The following COLEC11 variants were observed in gnomAD, a reference collection of about 807,000 sequenced individuals.
COLEC11 encodes collectin subfamily member 11.
COLEC11 carries 20 observed loss-of-function variants against 27.3 expected under a neutral mutation model. The observed-to-expected ratio is 0.73, with a 90% CI of 0.51 to 1.06. The LOEUF (loss-of-function observed/expected upper bound fraction) is 1.06. Among genes scored for constraint, COLEC11 ranks in the 50% least tolerant of loss-of-function variants. COLEC11 has a pLI of 0.00. For synonymous variants in COLEC11, 163 were observed against 154.7 expected, an observed-to-expected ratio of 1.05 and a Z score of -0.40; for missense variants, 310 against 383.0, an observed-to-expected ratio of 0.81 and a Z score of 1.59.
intron 2 of COLEC11, among the ~76,000 whole-genome samples, chr2:3,612,049 G>A (rs532111812): frequency 8.3e-5 from 12 of 144,390 alleles, no homozygotes; most frequent in African/African-American, 3.3e-4. Flanking sequence ...TCGGTCTCTT[G>A]CCTCGGCACC....
intron 2 of COLEC11, chr2:3,605,056 C>T (rs1276153076): frequency 1.3e-5 from 6 of 470,772 alleles, no homozygotes; most frequent in East Asian, 7.0e-5. Flanking sequence ...CCTGAGGCTG[C>T]GGTATCTGAA....
chr2:3,597,449 G>T (rs549474455), intron 1 of COLEC11, among the ~76,000 whole-genome samples: 1 of 151,646 alleles, frequency 6.6e-6, no homozygotes, highest in Non-Finnish European at 1.5e-5. Context: ...CAGCAGATGA[G>T]TGTGAGTGAA....
Position 3,602,675 on chromosome 2 carries a change from C to A in COLEC11, c.-26-1640C>A, listed in dbSNP as rs1324051311. On this transcript the variant is annotated intron_variant, in intron 1 of 6. Coordinates refer to ENST00000349077, the MANE Select transcript of COLEC11 (RefSeq NM_024027.5). This position sits in a 1 kb window ranked among gnomAD's most constrained non-coding sequence, Gnocchi z 6.2. Reference sequence around the variant, plus strand: ...GTAAAGCCGCTCGCTGATCCAGACCCTCTGTCTCATACAGAGCAACCCCCA... The same window carrying A: ...GTAAAGCCGCTCGCTGATCCAGACCATCTGTCTCATACAGAGCAACCCCCA... 6.6e-6 allele frequency among the ~76,000 whole-genome samples: 1 copy of A among 152,206 alleles called. No homozygotes were observed. Among genetic ancestry groups the A allele is most frequent in the Non-Finnish European group, 1.5e-5 (1 of 68,046 alleles).
intron 3 of COLEC11, among the ~76,000 whole-genome samples, chr2:3,615,945 G>A (rs183408947): frequency 0.083 from 12,424 of 149,694 alleles, 928 homozygotes; most frequent in African/African-American, 0.19. Context: ...GGGTGGAGAT[G>A]CTCCTCACTT....
Position 3,607,750 on chromosome 2 carries a change from A to G in COLEC11, c.130+3280A>G, listed in dbSNP as rs544789165. Reference sequence around the variant, plus strand: ...AGGTGTGAGCCAACATACCTGGCCTATCAAATTAATTTTAAAATCATTTAC... The same window carrying G: ...AGGTGTGAGCCAACATACCTGGCCTGTCAAATTAATTTTAAAATCATTTAC... On this transcript the variant is annotated intron_variant, in intron 2 of 6. Coordinates refer to ENST00000349077, the MANE Select transcript of COLEC11 (RefSeq NM_024027.5). 3.9e-3 allele frequency among the ~76,000 whole-genome samples: 597 copies of G among 152,298 alleles called. 4 individuals are homozygous for G. Among genetic ancestry groups the G allele is most frequent in the African/African-American group, 0.013 (545 of 41,570 alleles).
At chr2:3,613,983 T>TC (rs1172300263) in intron 3 of COLEC11, among the ~76,000 whole-genome samples, 9 of 149,870 alleles carry the variant, frequency 6.0e-5, no homozygotes, top group South Asian at 4.2e-4. Context: ...TTTCTTTCTT[T>TC]TTTTTTTTTT....
In COLEC11 at chr2:3,644,578, A is replaced by G. The variant is rs1174409910; in HGVS notation, c.*460A>G. 8 of 385,688 alleles carry G rather than the reference A, an allele frequency of 2.1e-5. No homozygotes were observed. The highest frequency in any genetic ancestry group is 4.1e-5 in the Non-Finnish European group (8 of 196,894). The allele number at this position is 385,688 out of a possible 1,614,324, so 23.9% of individuals were successfully genotyped here. ...GGTTCCTTCACACTATTATCCATGT[A>G]AAAACAATTTTGCTTTGCTTCAAAC... is the stretch of plus-strand genomic sequence containing the variant. On this transcript the variant is annotated 3_prime_UTR_variant, in exon 7 of 7. Coordinates refer to ENST00000349077, the MANE Select transcript of COLEC11 (RefSeq NM_024027.5).
At chr2:3,633,127 C>T (rs531066147) in intron 3 of COLEC11, among the ~76,000 whole-genome samples, 6 of 152,306 alleles carry the variant, frequency 3.9e-5, no homozygotes, top group African/African-American at 7.2e-5. Flanking sequence ...CCCACTTTCC[C>T]GTCTTCCCAC....
intron 3 of COLEC11, among the ~76,000 whole-genome samples, chr2:3,621,788 T>A (rs182289863): frequency 2.0e-4 from 30 of 152,340 alleles, no homozygotes; most frequent in Non-Finnish European, 4.4e-4. Flanking sequence ...AATAACAACT[T>A]AACTTTGATC....
intron 1 of COLEC11, among the ~76,000 whole-genome samples, chr2:3,597,271 G>A (rs369056970): frequency 6.6e-6 from 1 of 151,932 alleles, no homozygotes; most frequent in African/African-American, 2.4e-5. Flanking sequence ...GGGCTGCTCC[G>A]GGATCAGCAG....
At chr2:3,641,710 G>A (rs892514209) in intron 5 of COLEC11, among the ~76,000 whole-genome samples, 2 of 152,200 alleles carry the variant, frequency 1.3e-5, no homozygotes, top group African/African-American at 4.8e-5. Context: ...ATGTGCAAGT[G>A]TGAGTGGAGG....
Position 3,644,129 on chromosome 2 carries a change from G to A in COLEC11, c.*11G>A, listed in dbSNP as rs1666100712. 1 of 1,606,774 alleles carries A rather than the reference G, an allele frequency of 6.2e-7. No individual in the cohort carries two copies. The highest frequency in any genetic ancestry group is 1.1e-5 in the South Asian group (1 of 91,086). On this transcript the variant is annotated 3_prime_UTR_variant, in exon 7 of 7. Transcript: ENST00000349077. ...AAGGAGAACATGTGAGCCTCAGGCT[G>A]GGGCTGCCCATTGGGGGCCCCACAT...
At chr2:3,631,638 C>T (rs1245778486) in intron 3 of COLEC11, among the ~76,000 whole-genome samples, 2 of 151,906 alleles carry the variant, frequency 1.3e-5, no homozygotes, top group African/African-American at 2.4e-5. Flanking sequence ...CCCCACCAGC[C>T]GGGTATGCTT....
rs13417245 is a variant in COLEC11 at position 3,640,982 on chromosome 2, T to C, written c.328+651T>C. Among the ~76,000 whole-genome samples the C allele has an allele frequency of 6.1e-4, 74 of 122,100 alleles. 3 individuals are homozygous for C. The highest frequency in any genetic ancestry group is 2.6e-3 in the African/African-American group (72 of 27,210). 80.1% of individuals were successfully genotyped at this position (122,100 alleles called of 152,430 possible). On this transcript the variant is annotated intron_variant, in intron 5 of 6. Coordinates refer to ENST00000349077, the MANE Select transcript of COLEC11 (RefSeq NM_024027.5). Reference sequence around the variant, plus strand: ...CCCACCCACCATGTAGACCCCACGGTGGACACCCACCCACCATGTAGACCC... The same window carrying C: ...CCCACCCACCATGTAGACCCCACGGCGGACACCCACCCACCATGTAGACCC...
intron 1 of COLEC11, chr2:3,603,600 A>C: frequency 6.5e-7 from 1 of 1,548,888 alleles, no homozygotes; most frequent in South Asian, 1.2e-5. Flanking sequence ...TACAGGTGTG[A>C]GCCACTGCGC....
At chr2:3,606,105 G>C in intron 2 of COLEC11, 1 of 1,550,620 alleles carries the variant, frequency 6.4e-7, no homozygotes, top group Non-Finnish European at 8.7e-7. Context: ...GCGTGTGTGG[G>C]TTTGTGAGTG....
intron 3 of COLEC11, among the ~76,000 whole-genome samples, chr2:3,631,750 GC>G: frequency 6.6e-6 from 1 of 151,888 alleles, no homozygotes; most frequent in East Asian, 2.0e-4. Context: ...CTCGGAGGGG[GC>G]TCTGCTCGGA....
chr2:3,606,688 G>A (rs1279564116), intron 2 of COLEC11, among the ~76,000 whole-genome samples: 1 of 152,218 alleles, frequency 6.6e-6, no homozygotes, highest in East Asian at 1.9e-4. Flanking sequence ...TCCAGCACGT[G>A]CCCCGCGAGT....
chr2:3,635,604 C>T (rs35620600), intron 3 of COLEC11, among the ~76,000 whole-genome samples: 75 of 152,326 alleles, frequency 4.9e-4, no homozygotes, highest in Non-Finnish European at 9.4e-4. Context: ...GCCGCTGTCC[C>T]GACTTACCGG....
Sources: allele counts gnomAD v4.1 joint callset (sites outside exome capture counted in the v4.1 genomes callset), GRCh38; gene constraint gnomAD v4.1.1; non-coding constraint Gnocchi (gnomAD v3.1); transcripts MANE v1.5; gene names NCBI Gene and HGNC (gene_info 2026-07-23, HGNC 2026-07-21).